The following GABRG3 variants were observed in gnomAD, a reference collection of about 807,000 sequenced individuals.
The protein encoded by GABRG3 is gamma-aminobutyric acid receptor subunit gamma-3.
GABRG3 carries 25 observed loss-of-function variants against 48.8 expected under a neutral mutation model. That is an observed-to-expected ratio of 0.51 (90% confidence interval 0.37 to 0.72). GABRG3 has a LOEUF of 0.72. GABRG3 is among the 30% of genes least tolerant of loss of function. The probability of loss-of-function intolerance (pLI) is 0.00; values close to 1 mark genes in which losing one functional copy is unlikely to be tolerated. For missense variants in GABRG3, 394 were observed against 577.9 expected (o/e 0.68, Z 3.26); for synonymous variants, 227 against 217.6 (o/e 1.04, Z -0.38).
chr15:27,140,567 T>G (rs1041354363), intron 3 of GABRG3, among the ~76,000 whole-genome samples: 3 of 152,172 alleles, frequency 2.0e-5, no homozygotes, highest in African/African-American at 7.2e-5. Context: ...ATATTCTGTT[T>G]ATTAGTCCTT....
At chr15:27,071,554 T>A (rs1896827645) in intron 3 of GABRG3, among the ~76,000 whole-genome samples, 1 of 152,218 alleles carries the variant, frequency 6.6e-6, no homozygotes, top group Non-Finnish European at 1.5e-5. Flanking sequence ...TGTCCATAGA[T>A]GTGATTGCTT....
At chr15:27,233,496 C>T (rs1889862539) in intron 3 of GABRG3, among the ~76,000 whole-genome samples, 1 of 152,090 alleles carries the variant, frequency 6.6e-6, no homozygotes, top group Non-Finnish European at 1.5e-5. Flanking sequence ...GAGGCCCCTC[C>T]AGGTGTGCAG....
In GABRG3 at chr15:27,180,332, A is replaced by G. The variant is rs1329110559; in HGVS notation, c.271-146477A>G. On this transcript the variant is annotated intron_variant, in intron 3 of 9. Coordinates refer to ENST00000615808, the MANE Select transcript of GABRG3 (RefSeq NM_033223.5). The surrounding 1 kb of genome is among the most constrained non-coding windows in gnomAD (Gnocchi z 4.2). ...AATGGCTTGAGTGAAAGGAAAAAAA[A>G]ATGAGATTGAACAAGAAGAGCAACT... Among the ~76,000 whole-genome samples the G allele has an allele frequency of 6.6e-6, 1 of 152,160 alleles. No homozygotes were observed. Among genetic ancestry groups the G allele is most frequent in the Non-Finnish European group, 1.5e-5 (1 of 68,024 alleles).
intron 3 of GABRG3, among the ~76,000 whole-genome samples, chr15:27,313,180 A>G (rs11631415): frequency 0.59 from 78,879 of 133,094 alleles, 24,563 homozygotes; most frequent in African/African-American, 0.68. Flanking sequence ...CAGCAGAAAC[A>G]TATATATATA....
In GABRG3 at chr15:27,179,071, T is replaced by C. The variant is rs1887838657; in HGVS notation, c.271-147738T>C. Among the ~76,000 whole-genome samples the C allele has an allele frequency of 6.6e-6, 1 of 152,162 alleles. No homozygotes were observed. The highest frequency in any genetic ancestry group is 2.1e-4 in the South Asian group (1 of 4,822). On this transcript the variant is annotated intron_variant, in intron 3 of 9. Transcript: ENST00000615808. This position sits in a 1 kb window ranked among gnomAD's most constrained non-coding sequence, Gnocchi z 4.0. ...GAGAAGGTCAGAGGAAAACTTTTCT[T>C]TTTGGGGCCTTCATTTTGGGTTATA...
chr15:27,442,374 T>C (rs1888816070), intron 5 of GABRG3, among the ~76,000 whole-genome samples: 1 of 152,254 alleles, frequency 6.6e-6, no homozygotes, highest in African/African-American at 2.4e-5. Flanking sequence ...TGGGCAGTTC[T>C]GAGGAGAAGC....
intron 7 of GABRG3, among the ~76,000 whole-genome samples, chr15:27,524,509 T>C (rs753016342): frequency 1.3e-5 from 2 of 152,082 alleles, no homozygotes; most frequent in Non-Finnish European, 2.9e-5. Context: ...TTACTTATAA[T>C]GGTTGAAGCA....
intron 5 of GABRG3, among the ~76,000 whole-genome samples, chr15:27,405,854 G>GC (rs200559567): frequency 2.6e-5 from 4 of 151,808 alleles, no homozygotes; most frequent in African/African-American, 9.7e-5. Context: ...TAGGACTGGG[G>GC]GAGGGAATAT....
intron 5 of GABRG3, among the ~76,000 whole-genome samples, chr15:27,436,910 T>C (rs996545575): frequency 2.0e-5 from 3 of 151,768 alleles, no homozygotes; most frequent in Admixed American, 2.0e-4. Flanking sequence ...GTGGGAGGAT[T>C]GCTTGAGTCC....
rs545292401 is a variant in GABRG3, at chr15:27,235,420, G to A, written c.271-91389G>A. Among the ~76,000 whole-genome samples the A allele has an allele frequency of 1.3e-3, 200 of 150,730 alleles. 3 individuals are homozygous for A. The highest frequency in any genetic ancestry group is 4.7e-3 in the African/African-American group (190 of 40,120). The stretch of plus-strand genomic sequence containing the variant: ...TTATCTCTCAGTGACTCCATCATTT[G>A]CTCCACATGGCTCACTGTGTTTGTG... On this transcript the variant is annotated intron_variant, in intron 3 of 9. Coordinates refer to ENST00000615808, the MANE Select transcript of GABRG3 (RefSeq NM_033223.5).
Position 27,326,977 on chromosome 15 carries a change from C to T in GABRG3, c.439C>T (p.Pro147Ser). 2 of 1,614,034 alleles carry T rather than the reference C, an allele frequency of 1.2e-6. No homozygotes were observed. Among genetic ancestry groups the T allele is most frequent in the East Asian group, 2.2e-5 (1 of 44,884 alleles). ...CGCAGAGGCTCACTGGATCACCACACCCAATCAGCTCCTCCGGATTTGGAA... is the reference window on the plus strand; with the variant it reads ...CGCAGAGGCTCACTGGATCACCACATCCAATCAGCTCCTCCGGATTTGGAA... Reference protein sequence around the residue: ...KTAEAHWITTPNQLLRIWNDG... With the variant: ...KTAEAHWITTSNQLLRIWNDG... The change falls in exon 4 of 10, where the codon CCC (proline) becomes TCC (serine). Residue 147 changes from proline (P) to serine (S), a missense_variant. Pro to Ser is a moderately conservative substitution (Grantham distance 74, BLOSUM62 -1). Coordinates refer to ENST00000615808, the MANE Select transcript of GABRG3 (RefSeq NM_033223.5).
chr15:27,051,167 A>C (rs1896449891), intron 3 of GABRG3, among the ~76,000 whole-genome samples: 1 of 152,226 alleles, frequency 6.6e-6, no homozygotes, highest in African/African-American at 2.4e-5. Flanking sequence ...CAAAGGGAAA[A>C]AATCTAGACA....
chr15:27,426,767 T>G (rs1297361488), intron 5 of GABRG3, among the ~76,000 whole-genome samples: 3 of 152,152 alleles, frequency 2.0e-5, no homozygotes, highest in Non-Finnish European at 4.4e-5. Context: ...AAGGCTGTAG[T>G]GAGGTATGAT....
chr15:27,372,435 C>G (rs952960293), intron 5 of GABRG3, among the ~76,000 whole-genome samples: 1 of 152,066 alleles, frequency 6.6e-6, no homozygotes. Flanking sequence ...CTCAGTCACC[C>G]AGGCTGGAAT....
chr15:27,087,078 G>A (rs766415039), intron 3 of GABRG3, among the ~76,000 whole-genome samples: 9 of 152,218 alleles, frequency 5.9e-5, no homozygotes, highest in South Asian at 2.1e-4. Flanking sequence ...GCCAGCCCCC[G>A]TGCTTGGCTG....
chr15:27,082,834 C>T (rs1332548243), intron 3 of GABRG3, among the ~76,000 whole-genome samples: 2 of 152,202 alleles, frequency 1.3e-5, no homozygotes, highest in African/African-American at 2.4e-5. Flanking sequence ...AATGTTGATG[C>T]TTGCTAGAGC....
At chr15:27,035,521 C>G (rs1001643152) in intron 3 of GABRG3, among the ~76,000 whole-genome samples, 2 of 151,732 alleles carry the variant, frequency 1.3e-5, no homozygotes, top group Non-Finnish European at 2.9e-5. Context: ...GTCCCTCTGA[C>G]AAGAGCACCG....
intron 5 of GABRG3, among the ~76,000 whole-genome samples, chr15:27,442,269 T>C (rs1888812057): frequency 6.6e-6 from 1 of 152,176 alleles, no homozygotes; most frequent in Non-Finnish European, 1.5e-5. Context: ...TCAGCTCCCC[T>C]TCATCTGAAG....
rs140957430 is a variant in GABRG3, at chr15:27,085,600, C to T, written c.270+58779C>T. ...ACAGTGTAGAAGGTTGCTGTTTTCC[C>T]TCTGACAATCACTGCATAACATCAA... On this transcript the variant is annotated intron_variant, in intron 3 of 9. Coordinates refer to ENST00000615808, the MANE Select transcript of GABRG3 (RefSeq NM_033223.5). 9.8e-3 allele frequency among the ~76,000 whole-genome samples: 1,492 copies of T among 152,234 alleles called. 14 individuals are homozygous for T. The highest frequency in any genetic ancestry group is 0.017 in the Non-Finnish European group (1,173 of 68,016).
Sources: gnomAD v4.1 joint callset for allele counts (sites outside exome capture counted in the v4.1 genomes callset) on GRCh38, gnomAD v4.1.1 for gene constraint, Gnocchi (gnomAD v3.1) non-coding constraint, MANE v1.5 for transcripts, NCBI Gene and HGNC (gene_info 2026-07-23, HGNC 2026-07-21) for gene names.